DDX54: variants seen among roughly 807,000 people sequenced by gnomAD.
The protein encoded by DDX54 is DEAD-box helicase 54.
DDX54 carries 67 observed loss-of-function variants against 105.5 expected under a neutral mutation model. The observed-to-expected ratio is 0.64, with a 90% CI of 0.52 to 0.78. The LOEUF is 0.78. Among genes scored for constraint, DDX54 ranks in the 30% least tolerant of loss-of-function variants. The pLI is 0.00. For missense variants in DDX54, 1,206 were observed against 1,230.5 expected, an observed-to-expected ratio of 0.98 and a Z score of 0.30; for synonymous variants, 514 against 509.9, an observed-to-expected ratio of 1.01 and a Z score of -0.11.
In DDX54 at chr12:113,181,029, G is replaced by A; in HGVS notation, c.204C>T (p.Phe68=). Residue 68 remains phenylalanine, a synonymous_variant, in exon 2 of 20, where the codon TTC becomes TTT. Coordinates refer to ENST00000306014, the MANE Select transcript of DDX54 (RefSeq NM_024072.4). The part of the protein sequence containing the change: ...KLGPGRPLPT[F]PTSECTSDVE... ...CATCCGAGGTGCATTCCGAGGTGGG[G>A]AAGGTGGGCAGGGGTCTTCCAGGTC... The A allele has an allele frequency of 6.2e-7, 1 of 1,613,476 alleles. No homozygotes were observed. The highest frequency in any genetic ancestry group is 2.2e-5 in the East Asian group (1 of 44,866).
At chr12:113,172,671 C>T (rs181142650) in intron 10 of DDX54, 108 bp from the exon 11 acceptor site, 24 of 1,373,510 alleles carry the variant, frequency 1.7e-5, no homozygotes, top group Middle Eastern at 2.4e-4. Context: ...GACAAGACCA[C>T]GGGTTCTGGA....
intron 14 of DDX54, among the ~76,000 whole-genome samples, chr12:113,164,644 G>T (rs1172040280): frequency 6.6e-6 from 1 of 151,972 alleles, no homozygotes; most frequent in Non-Finnish European, 1.5e-5. Flanking sequence ...AACCCAGAAG[G>T]CAGAGGTTGC....
In DDX54 at chr12:113,164,093, C is replaced by T. The variant is rs1305912231; in HGVS notation, c.1912G>A (p.Glu638Lys). Residue 638 changes from glutamate to lysine, a missense_variant, in exon 15 of 20, where the codon GAG becomes AAG. Glu to Lys is a moderately conservative substitution (Grantham distance 56). This residue lies in a region of DDX54 where 961 missense variants were observed against 1,019.1 expected (regional missense o/e 0.94). Transcript: ENST00000306014. ...TCCACACTCTCTCCCGCCTCCTCCT[C>T]CTCCTCCTTCTCAGGCTGCTTCTCC... Reference protein sequence around the residue: ...LQEKQPEKEEEEEAGESVEDI... With the variant: ...LQEKQPEKEEKEEAGESVEDI... 6.4e-7 allele frequency: 1 copy of T among 1,550,560 alleles called. No homozygotes were observed. Among genetic ancestry groups the T allele is most frequent in the Non-Finnish European group, 8.7e-7 (1 of 1,146,522 alleles).
chr12:113,164,369 G>A lies in DDX54; in HGVS notation c.1720-84C>T, dbSNP rs894659523. 19 of 1,449,686 alleles carry A rather than the reference G, an allele frequency of 1.3e-5. No homozygotes were observed. The African/African-American group carries it at 1.8e-4, about 14-fold the overall frequency. 89.8% of individuals were successfully genotyped at this position (1,449,686 alleles called of 1,614,324 possible). ...ACCACTTGGTGGGCTTCCTATGGGCGTTCTTCCCCAAGTCTTCCCCAGTGT... is the reference window on the plus strand; with the variant it reads ...ACCACTTGGTGGGCTTCCTATGGGCATTCTTCCCCAAGTCTTCCCCAGTGT... On this transcript the variant is annotated intron_variant, in intron 14 of 19. Transcript: ENST00000306014.
In DDX54 at chr12:113,164,284, G is replaced by C; in HGVS notation, c.1721C>G (p.Thr574Ser). The C allele has an allele frequency of 6.3e-7, 1 of 1,585,268 alleles. No homozygotes were observed. Residue 574 changes from threonine (T) to serine (S), a missense_variant and splice_region_variant, in exon 15 of 20, where the codon ACT (threonine) becomes AGT (serine). Around this residue, in one of 3 missense-constraint regions of DDX54, gnomAD observed 961 missense variants for 1,019.1 expected, o/e 0.94. Coordinates refer to ENST00000306014, the MANE Select transcript of DDX54 (RefSeq NM_024072.4). The part of the protein sequence containing the change: ...DSIKNYRSRA[T>S]IFEINASSRD... ...GCTGGAGGCGTTGATCTCAAAGATAGTCTGTGGAGGGGACACCCAGTCCTT... is the reference window on the plus strand; with the variant it reads ...GCTGGAGGCGTTGATCTCAAAGATACTCTGTGGAGGGGACACCCAGTCCTT...
intron 11 of DDX54, 99 bp from the exon 12 acceptor site, chr12:113,170,003 C>A: frequency 6.7e-7 from 1 of 1,503,004 alleles, no homozygotes. Context: ...CCTGGCCAAG[C>A]CTCGAACCTC....
Position 113,157,598 on chromosome 12 carries a change from C to T in DDX54, c.*1279G>A, listed in dbSNP as rs1952146747. 6.4e-7 allele frequency: 1 copy of T among 1,551,656 alleles called. No homozygotes were observed. Among genetic ancestry groups the T allele is most frequent in the East Asian group, 2.4e-5 (1 of 40,924 alleles). On this transcript the variant is annotated 3_prime_UTR_variant, in exon 20 of 20. Transcript: ENST00000306014. The stretch of plus-strand genomic sequence containing the variant: ...GGATGTGACTTCGTGCTGGGCCCCC[C>T]CAGGTGAAGCTGTTCATGCAGGACC...
intron 3 of DDX54, among the ~76,000 whole-genome samples, 173 bp downstream of exon 3, chr12:113,179,762 C>T (rs553581031): frequency 2.6e-5 from 4 of 152,278 alleles, no homozygotes; most frequent in East Asian, 1.9e-4. Context: ...AGTCTCTGCT[C>T]GGCTCGGCCC....
At chr12:113,162,721 G>T in intron 17 of DDX54, 1 of 529,548 alleles carries the variant, frequency 1.9e-6, no homozygotes, top group Non-Finnish European at 3.3e-6. Context: ...CCCCAGGCAT[G>T]GAGGGGCAGC....
intron 12 of DDX54, among the ~76,000 whole-genome samples, chr12:113,167,456 C>T (rs983391242): frequency 6.6e-6 from 1 of 152,198 alleles, no homozygotes; most frequent in Non-Finnish European, 1.5e-5. Context: ...GCATGATGGA[C>T]CTCATGGGCC....
In DDX54 at chr12:113,158,855, C is replaced by A; in HGVS notation, c.*22G>T. 6.4e-7 allele frequency: 1 copy of A among 1,569,828 alleles called. No homozygotes were observed. The highest frequency in any genetic ancestry group is 8.7e-7 in the Non-Finnish European group (1 of 1,152,260). The stretch of plus-strand genomic sequence containing the variant: ...GCCCACCCTAAGGCCAATCAAGGAG[C>A]CACGGGGCTGGGTCCTGGTCCTCAC... On this transcript the variant is annotated 3_prime_UTR_variant, in exon 20 of 20. Transcript: ENST00000306014. The surrounding 1 kb of genome is among the most constrained non-coding windows in gnomAD (Gnocchi z 4.9).
At position 113,163,471 on chromosome 12, in the gene DDX54, T is replaced by C. The variant is rs1026956196; in HGVS notation, c.1939-197A>G. ...TCAGTTTCCTCATCTGCACACACAG[T>C]GCAACCCCTGCCTCAGGGACCAGCA... On this transcript the variant is annotated intron_variant, in intron 15 of 19. Transcript: ENST00000306014. The surrounding 1 kb of genome is among the most constrained non-coding windows in gnomAD (Gnocchi z 5.9). Among the ~76,000 whole-genome samples, 8 of 152,132 alleles carry C rather than the reference T, an allele frequency of 5.3e-5. No individual in the cohort carries two copies. Among genetic ancestry groups the C allele is most frequent in the African/African-American group, 1.9e-4 (8 of 41,428 alleles).
At chr12:113,170,842 T>C (rs1274055397) in intron 11 of DDX54, among the ~76,000 whole-genome samples, 2 of 152,084 alleles carry the variant, frequency 1.3e-5, no homozygotes, top group Non-Finnish European at 2.9e-5. Context: ...CAGAATGACA[T>C]TTCATAGTAA....
Position 113,159,061 on chromosome 12 carries a change from G to A in DDX54, c.2462C>T (p.Pro821Leu), listed in dbSNP as rs1048889. 97,239 of 1,608,710 alleles carry A rather than the reference G, an allele frequency of 0.06. 3,469 individuals carry two copies. The highest frequency in any genetic ancestry group is 0.067 in the Non-Finnish European group (78,566 of 1,178,090). ...GATCTGCTGCTTGGTCTTGAGTTCC[G>A]GGCGGACTCGGCCTGCAGGGGTGCC... ...APGTPAGRVR[P>L]ELKTKQQILK... Residue 821 changes from proline to leucine, a missense_variant, in exon 20 of 20, where the codon CCG (proline) becomes CTG (leucine). Physicochemically the swap from Pro to Leu is moderately conservative, Grantham distance 98. Coordinates refer to ENST00000306014, the MANE Select transcript of DDX54 (RefSeq NM_024072.4).
chr12:113,180,868 G>A, intron 2 of DDX54, 61 bp downstream of exon 2: 1 of 1,605,148 alleles, frequency 6.2e-7, no homozygotes, highest in South Asian at 1.1e-5. Flanking sequence ...ATGGAGTGCA[G>A]AGGCGGGGTT....
chr12:113,162,076 C>T, intron 17 of DDX54, 79 bp from the exon 18 acceptor site: 1 of 1,314,934 alleles, frequency 7.6e-7, no homozygotes, highest in Non-Finnish European at 1.1e-6. Context: ...CCTGTCTCCT[C>T]ACCCGACCCT....
rs1264150309 is a variant in DDX54 at position 113,169,773 on chromosome 12, A to T, written c.1411T>A (p.Ser471Thr). The change falls in exon 12 of 20, where the codon TCA becomes ACA. Residue 471 changes from serine to threonine, a missense_variant. Transcript: ENST00000306014. ...LTLARPLKEP[S>T]GVAGVDGMLG... ...TCCCCACCCAGCCTCCACTCACCTG[A>T]GGGCTCCTTGAGGGGTCGGGCGAGG... 6.2e-7 allele frequency: 1 copy of T among 1,613,680 alleles called. No individual in the cohort carries two copies. Among genetic ancestry groups the T allele is most frequent in the Non-Finnish European group, 8.5e-7 (1 of 1,179,812 alleles).
At position 113,177,464 on chromosome 12, in the gene DDX54, C is replaced by T. The variant is rs117599483; in HGVS notation, c.615-371G>A. The stretch of plus-strand genomic sequence containing the variant: ...CAGGTTCCATGGATCTCTATCAGCT[C>T]CCGTCCTTAAACCCTTTGGGCACAA... On this transcript the variant is annotated intron_variant, in intron 5 of 19. Coordinates refer to ENST00000306014, the MANE Select transcript of DDX54 (RefSeq NM_024072.4). 960 of 225,682 alleles carry T rather than the reference C, an allele frequency of 4.3e-3. 10 individuals carry two copies. The Middle Eastern group carries it at 0.048, about 11-fold the overall frequency. The allele number at this position is 225,682 out of a possible 1,614,324, so 14.0% of individuals were successfully genotyped here.
In DDX54 at chr12:113,165,864, G is replaced by A. The variant is rs1311638005; in HGVS notation, c.1583C>T (p.Pro528Leu). ...CTCCTTGGCCCTCTTGATGGACTCA[G>A]GCGAGGGCGCCGGGCGTGAGCGCAC... ...QYVRSRPAPS[P>L]ESIKRAKEMD... is the part of the protein sequence containing the mutation. Residue 528 changes from proline (P) to leucine (L), a missense_variant, in exon 13 of 20, where the codon CCT becomes CTT. Transcript: ENST00000306014. 2 of 1,613,532 alleles carry A rather than the reference G, an allele frequency of 1.2e-6. No individual in the cohort carries two copies. Among genetic ancestry groups the A allele is most frequent in the South Asian group, 1.1e-5 (1 of 91,018 alleles).
Sources: allele counts gnomAD v4.1 joint callset (sites outside exome capture counted in the v4.1 genomes callset), GRCh38; gene constraint gnomAD v4.1.1; regional missense constraint gnomAD v4.1.1; non-coding constraint Gnocchi (gnomAD v3.1); transcripts MANE v1.5; gene names NCBI Gene and HGNC (gene_info 2026-07-23, HGNC 2026-07-21).